Variants in RGSL1 observed in about 807,000 individuals in gnomAD.
The protein encoded by RGSL1 is regulator of G protein signaling protein-like.
Under a neutral mutation model 124.7 loss-of-function variants are expected in RGSL1, and 97 were observed. The observed-to-expected ratio is 0.78, with a 90% CI of 0.66 to 0.92. The LOEUF (loss-of-function observed/expected upper bound fraction) is 0.92. Among genes scored for constraint, RGSL1 ranks in the 40% least tolerant of loss-of-function variants. The pLI is 0.00. For synonymous variants in RGSL1, 424 were observed against 438.1 expected (o/e 0.97, Z 0.40); for missense variants, 1,233 against 1,288.4 (o/e 0.96, Z 0.66).
At position 182,530,288 on chromosome 1, in the gene RGSL1, TC is replaced by T. The variant is rs1485994333; in HGVS notation, c.2172del (p.Met725CysfsTer10). ...TGCCCCTATTATCAAAGAAATCGCT[TC>T]CATGCGTCATGTCACCACAAGCACA... ...CDAPIIKEIA[S>X]MRHVTTSTLL... On this transcript the variant is annotated frameshift_variant, in exon 12 of 22. Transcript: ENST00000294854. LOFTEE classifies it high-confidence loss of function. The T allele has an allele frequency of 1.3e-6, 2 of 1,551,142 alleles. No homozygotes were observed. Among genetic ancestry groups the T allele is most frequent in the Admixed American group, 3.9e-5 (2 of 50,966 alleles).
chr1:182,534,824 C>T (rs1440187029), intron 14 of RGSL1, among the ~76,000 whole-genome samples: 1 of 149,370 alleles, frequency 6.7e-6, no homozygotes, highest in Non-Finnish European at 1.5e-5. Flanking sequence ...GAGACTCCAT[C>T]TCAAAAAAAA....
At chr1:182,529,627 C>G (rs1274161684) in intron 11 of RGSL1, among the ~76,000 whole-genome samples, 1 of 151,610 alleles carries the variant, frequency 6.6e-6, no homozygotes, top group Non-Finnish European at 1.5e-5. Flanking sequence ...TGTAGTAAAC[C>G]AAGATAAGAA....
intron 18 of RGSL1, among the ~76,000 whole-genome samples, chr1:182,552,878 G>A (rs2102335489): frequency 6.6e-6 from 1 of 152,212 alleles, no homozygotes; most frequent in East Asian, 1.9e-4. Flanking sequence ...ATTCATGAGG[G>A]CAGACCCCTC....
intron 14 of RGSL1, among the ~76,000 whole-genome samples, chr1:182,537,267 C>T (rs1478470078): frequency 6.6e-6 from 1 of 152,086 alleles, no homozygotes; most frequent in Non-Finnish European, 1.5e-5. Context: ...AAAATTTATT[C>T]AGTGTCCCCA....
chr1:182,501,020 G>A (rs1656314062), intron 9 of RGSL1, among the ~76,000 whole-genome samples: 1 of 152,008 alleles, frequency 6.6e-6, no homozygotes, highest in East Asian at 1.9e-4. Context: ...AGAACTTCCA[G>A]TACAATGCTA....
chr1:182,527,738 A>C lies in RGSL1; in HGVS notation c.2091A>C (p.Val697=), dbSNP rs1232639660. 2 of 1,550,768 alleles carry C rather than the reference A, an allele frequency of 1.3e-6. No homozygotes were observed. The highest frequency in any genetic ancestry group is 1.7e-6 in the Non-Finnish European group (2 of 1,146,578). The part of the protein sequence containing the change: ...EKICKSLIEN[V]IKTFFQGQLS... ...TTTGCAAGTCTCTCATAGAAAATGT[A>C]ATCAAGACTTTCTTCCAAGGCCAAC... The change falls in exon 11 of 22, where the codon GTA becomes GTC. Residue 697 remains valine (V), a synonymous_variant. Coordinates refer to ENST00000294854, the MANE Select transcript of RGSL1 (RefSeq NM_001137669.2).
chr1:182,516,805 C>T (rs1469818903), intron 9 of RGSL1, among the ~76,000 whole-genome samples: 2 of 152,116 alleles, frequency 1.3e-5, no homozygotes, highest in Non-Finnish European at 2.9e-5. Context: ...AATGTTTTAA[C>T]AGTTTCTGTA....
chr1:182,509,450 C>G, intron 9 of RGSL1, among the ~76,000 whole-genome samples: 1 of 41,514 alleles, frequency 2.4e-5, no homozygotes, highest in Admixed American at 1.6e-4. Flanking sequence ...GGCTGACCCC[C>G]CCACCTCCCT....
intron 9 of RGSL1, among the ~76,000 whole-genome samples, chr1:182,508,579 G>A (rs1215546861): frequency 2.6e-5 from 4 of 151,350 alleles, no homozygotes; most frequent in African/African-American, 7.3e-5. Flanking sequence ...GATTACAGGC[G>A]TGAGCCACTG....
intron 1 of RGSL1, among the ~76,000 whole-genome samples, chr1:182,452,352 A>G (rs1651912312): frequency 6.6e-6 from 1 of 152,220 alleles, no homozygotes; most frequent in African/African-American, 2.4e-5. Flanking sequence ...AGGGGTACAC[A>G]TAAAACACAC....
chr1:182,453,782 G>A (rs563809812), intron 1 of RGSL1, among the ~76,000 whole-genome samples, 176 bp from the exon 2 acceptor site: 6 of 152,180 alleles, frequency 3.9e-5, no homozygotes, highest in African/African-American at 1.2e-4. Flanking sequence ...TAAGCAGAAC[G>A]ATATTGAAAA....
chr1:182,527,682 C>T lies in RGSL1; in HGVS notation c.2035C>T (p.Gln679Ter), dbSNP rs371787481. 6 of 1,551,360 alleles carry T rather than the reference C, an allele frequency of 3.9e-6. No individual in the cohort carries two copies. Among genetic ancestry groups the T allele is most frequent in the East Asian group, 4.9e-5 (2 of 40,912 alleles). Reference sequence around the variant, plus strand: ...CCCATTGCAATTTCTCACAGCTGTACAGAAGATCAGTATAGAGACCAATGA... The same window carrying T: ...CCCATTGCAATTTCTCACAGCTGTATAGAAGATCAGTATAGAGACCAATGA... ...KIPLQFLTAV[Q>*]KISIETNEKI... is the part of the protein sequence containing the mutation. Residue 679 changes from glutamine (Q) to a stop codon, truncating the protein, a stop_gained, in exon 11 of 22, where the codon CAG (glutamine) becomes TAG (stop). Coordinates refer to ENST00000294854, the MANE Select transcript of RGSL1 (RefSeq NM_001137669.2). LOFTEE classifies it high-confidence loss of function.
At chr1:182,473,065 T>C (rs1381578055) in intron 5 of RGSL1, among the ~76,000 whole-genome samples, 3 of 152,218 alleles carry the variant, frequency 2.0e-5, no homozygotes, top group Non-Finnish European at 4.4e-5. Context: ...TATGTATACT[T>C]GTTTGTTCAT....
chr1:182,499,204 T>G (rs76909615), intron 9 of RGSL1, among the ~76,000 whole-genome samples: 3,360 of 152,288 alleles, frequency 0.022, 119 homozygotes, highest in African/African-American at 0.074. Context: ...TTGGGTCAAG[T>G]GTTGTGTTCA....
chr1:182,513,012 C>T (rs1273971059), intron 9 of RGSL1, among the ~76,000 whole-genome samples: 1 of 152,196 alleles, frequency 6.6e-6, no homozygotes, highest in Non-Finnish European at 1.5e-5. Context: ...CGGGGTGGGG[C>T]ATGGCAGGCC....
At chr1:182,551,993 C>T (rs1242596861) in intron 18 of RGSL1, among the ~76,000 whole-genome samples, 1 of 152,174 alleles carries the variant, frequency 6.6e-6, no homozygotes, top group Admixed American at 6.5e-5. Context: ...GTGTAGTGGG[C>T]TCTGCCATTT....
chr1:182,490,718 A>C (rs1236583158), intron 8 of RGSL1, among the ~76,000 whole-genome samples: 2 of 152,098 alleles, frequency 1.3e-5, no homozygotes, highest in Non-Finnish European at 2.9e-5. Flanking sequence ...AAGAATGTGA[A>C]CCACCCTCCA....
chr1:182,487,351 A>C (rs1198221373), intron 6 of RGSL1, among the ~76,000 whole-genome samples: 1 of 152,140 alleles, frequency 6.6e-6, no homozygotes, highest in Admixed American at 6.5e-5. Flanking sequence ...TATAATTCCA[A>C]TGCATCCCTG....
intron 9 of RGSL1, among the ~76,000 whole-genome samples, chr1:182,495,569 C>T (rs1483592599): frequency 2.0e-5 from 3 of 152,230 alleles, no homozygotes; most frequent in South Asian, 2.1e-4. Flanking sequence ...GGCTACTTCT[C>T]TTTCCACACA....
Sources: allele counts gnomAD v4.1 joint callset (sites outside exome capture counted in the v4.1 genomes callset), GRCh38; gene constraint gnomAD v4.1.1; transcripts MANE v1.5; gene names NCBI Gene and HGNC (gene_info 2026-07-23, HGNC 2026-07-21).